The following PBX4 variants were observed in gnomAD, a reference collection of about 807,000 sequenced individuals.
PBX4 encodes the protein pre-B-cell leukemia transcription factor 4.
Under a neutral mutation model 35.1 loss-of-function variants are expected in PBX4, and 26 were observed. The observed-to-expected ratio is 0.74, with a 90% CI of 0.54 to 1.03. The LOEUF is 1.03. PBX4 is among the 50% of genes least tolerant of loss of function. PBX4 has a pLI of 0.00. For synonymous variants in PBX4, 199 were observed against 204.2 expected (o/e 0.97, Z 0.22); for missense variants, 448 against 504.3 (o/e 0.89, Z 1.07).
intron 2 of PBX4, among the ~76,000 whole-genome samples, chr19:19,571,681 G>A (rs539611599): frequency 2.9e-3 from 445 of 152,238 alleles, no homozygotes; most frequent in Non-Finnish European, 4.7e-3. Context: ...CAATGGCATC[G>A]CATTCTCCCA....
chr19:19,593,630 C>G (rs925527828), intron 2 of PBX4, among the ~76,000 whole-genome samples: 1 of 152,212 alleles, frequency 6.6e-6, no homozygotes, highest in Admixed American at 6.5e-5. Context: ...CACTCAGGAA[C>G]AGGCATCCCT....
intron 2 of PBX4, among the ~76,000 whole-genome samples, chr19:19,578,566 G>A (rs2061434983): frequency 6.6e-6 from 1 of 152,190 alleles, no homozygotes; most frequent in African/African-American, 2.4e-5. Context: ...ATCTGTCGGA[G>A]GCACTGACAT....
chr19:19,596,575 T>A (rs2061562447), intron 2 of PBX4, among the ~76,000 whole-genome samples: 8 of 151,838 alleles, frequency 5.3e-5, no homozygotes, highest in Admixed American at 5.3e-4. Flanking sequence ...AATGAGCACA[T>A]CAAAGGCCAA....
chr19:19,596,534 G>C (rs1402080014), intron 2 of PBX4, among the ~76,000 whole-genome samples: 1 of 152,092 alleles, frequency 6.6e-6, no homozygotes, highest in East Asian at 1.9e-4. Context: ...TGTGTCCTAA[G>C]AGTGTCCAAG....
intron 5 of PBX4, among the ~76,000 whole-genome samples, chr19:19,567,639 C>A (rs2061351139): frequency 6.6e-6 from 1 of 152,162 alleles, no homozygotes; most frequent in Non-Finnish European, 1.5e-5. Context: ...TGGCTTGCTG[C>A]CATAGGCTGC....
Position 19,570,125 on chromosome 19 carries a change from G to A in PBX4, c.616C>T (p.Arg206Trp), listed in dbSNP as rs144820446. Residue 206 changes from arginine to tryptophan, a missense_variant, in exon 4 of 8, where the codon CGG (arginine) becomes TGG (tryptophan). Arg to Trp is a moderately radical substitution (Grantham distance 101). Coordinates refer to ENST00000251203, the MANE Select transcript of PBX4 (RefSeq NM_025245.3). ...GGCCCTGACCTGGCATCGAGCAGCC[G>A]CGAACGCAGGGTCATCACTGCCTCA... Reference protein sequence around the residue: ...TCEAVMTLRSRLLDARRKRRN... With the variant: ...TCEAVMTLRSWLLDARRKRRN... 83 of 1,606,452 alleles carry A rather than the reference G, an allele frequency of 5.2e-5. No individual in the cohort carries two copies. Among genetic ancestry groups the A allele is most frequent in the Middle Eastern group, 3.6e-4 (2 of 5,522 alleles).
intron 1 of PBX4, among the ~76,000 whole-genome samples, chr19:19,613,471 A>G (rs2061673553): frequency 1.5e-5 from 2 of 131,946 alleles, no homozygotes; most frequent in South Asian, 2.4e-4. Context: ...AAAAAAAAAA[A>G]AAGTAACTGG....
Position 19,563,534 on chromosome 19 carries a change from G to A in PBX4, c.1007C>T (p.Pro336Leu). 6.4e-7 allele frequency: 1 copy of A among 1,550,460 alleles called. No homozygotes were observed. Among genetic ancestry groups the A allele is most frequent in the Non-Finnish European group, 8.7e-7 (1 of 1,146,908 alleles). Residue 336 changes from proline (P) to leucine (L), a missense_variant, in exon 7 of 8, where the codon CCT becomes CTT. Physicochemically the swap from Pro to Leu is moderately conservative, Grantham distance 98. Transcript: ENST00000251203. The surrounding 1 kb of genome is among the most constrained non-coding windows in gnomAD (Gnocchi z 5.1). ...CTGGGACTGCAGGCAGCCTCCCCCA[G>A]GAGGAGGCTGGAGAGAGGCCAGAGT... ...LRTLASLQPP[P>L]GGGCLQSQAQ...
chr19:19,561,852 A>G lies in PBX4; in HGVS notation c.*173T>C. The G allele has an allele frequency of 2.0e-6, 1 of 510,694 alleles. No individual in the cohort carries two copies. The allele number at this position is 510,694 out of a possible 1,614,324, so 31.6% of individuals were successfully genotyped here. A position where few individuals can be genotyped will look rare whatever the true frequency, so the allele number is the denominator to read the frequency against. ...ATGAGTGGCGTTTCAGGCCATCTCGAGTCGCAGCAGACACATGAGCCGGCG... is the reference window on the plus strand; with the variant it reads ...ATGAGTGGCGTTTCAGGCCATCTCGGGTCGCAGCAGACACATGAGCCGGCG... On this transcript the variant is annotated 3_prime_UTR_variant, in exon 8 of 8. Transcript: ENST00000251203.
chr19:19,575,224 G>A (rs774129470), intron 2 of PBX4, among the ~76,000 whole-genome samples: 11 of 143,982 alleles, frequency 7.6e-5, no homozygotes, highest in East Asian at 2.1e-4. Context: ...GCAACAGAGC[G>A]AGACTCTGTC....
chr19:19,570,414 G>A, intron 3 of PBX4, 115 bp from the exon 4 acceptor site: 3 of 1,438,430 alleles, frequency 2.1e-6, no homozygotes, highest in South Asian at 1.3e-5. Context: ...ACACCGGCGG[G>A]TGACTGTTAA....
At position 19,588,093 on chromosome 19, in the gene PBX4, C is replaced by T. The variant is rs918786005; in HGVS notation, c.193+11199G>A. 6.6e-6 allele frequency: 6 copies of T among 903,962 alleles called. No homozygotes were observed. In the African/African-American group the frequency reaches 8.3e-5, roughly 13 times the overall value. 56.0% of individuals were successfully genotyped at this position (903,962 alleles called of 1,614,324 possible). On this transcript the variant is annotated intron_variant, in intron 2 of 7. Transcript: ENST00000251203. ...GAGGAAGGGGCCACTTACCAATCAC[C>T]TCTTCTTGAAGCCGTATTTTTTGCG...
intron 2 of PBX4, among the ~76,000 whole-genome samples, chr19:19,590,514 G>A (rs532033978): frequency 7.3e-5 from 11 of 150,976 alleles, no homozygotes; most frequent in Non-Finnish European, 1.2e-4. Flanking sequence ...TGTCACCTAG[G>A]CTGGAGTACA....
At position 19,618,598 on chromosome 19, in the gene PBX4, G is replaced by A. The variant is rs548276808; in HGVS notation, c.32C>T (p.Pro11Leu). The change falls in exon 1 of 8, where the codon CCC (proline) becomes CTC (leucine). Residue 11 changes from proline to leucine, a missense_variant. Pro to Leu is a moderately conservative substitution (Grantham distance 98). Coordinates refer to ENST00000251203, the MANE Select transcript of PBX4 (RefSeq NM_025245.3). MAAPPRPAPS[P>L]PAPRRLDTSD... The stretch of plus-strand genomic sequence containing the variant: ...CGTGTCGAGGCGCCGCGGGGCGGGG[G>A]GCGATGGCGCGGGGCGCGGCGGGGC... 7.8e-6 allele frequency: 10 copies of A among 1,283,260 alleles called. No individual in the cohort carries two copies. Among genetic ancestry groups the A allele is most frequent in the South Asian group, 6.0e-5 (2 of 33,176 alleles). 79.5% of individuals were successfully genotyped at this position (1,283,260 alleles called of 1,614,324 possible). A position where few individuals can be genotyped will look rare whatever the true frequency, so the allele number is the denominator to read the frequency against.
intron 2 of PBX4, chr19:19,588,221 AC>A: frequency 7.3e-7 from 1 of 1,362,916 alleles, no homozygotes; most frequent in Non-Finnish European, 1.0e-6. Flanking sequence ...GGCATCAGAG[AC>A]CCCAGGGCCT....
chr19:19,591,360 G>A (rs916718487), intron 2 of PBX4, among the ~76,000 whole-genome samples: 1 of 152,228 alleles, frequency 6.6e-6, no homozygotes, highest in African/African-American at 2.4e-5. Context: ...AGCTGACGAG[G>A]AAGGGAAAGA....
At chr19:19,618,424 C>G in intron 1 of PBX4, 87 bp downstream of exon 1, 1 of 1,234,550 alleles carries the variant, frequency 8.1e-7, no homozygotes, top group Non-Finnish European at 1.0e-6. Flanking sequence ...CGCCCCTCGT[C>G]AGTCTGGCCT....
At chr19:19,587,006 T>C in intron 2 of PBX4, among the ~76,000 whole-genome samples, 1 of 152,088 alleles carries the variant, frequency 6.6e-6, no homozygotes, top group East Asian at 1.9e-4. Flanking sequence ...AATTTTCTTT[T>C]TCTTTTTAAT....
intron 1 of PBX4, among the ~76,000 whole-genome samples, chr19:19,602,837 T>C (rs888088397): frequency 6.6e-6 from 1 of 152,088 alleles, no homozygotes; most frequent in African/African-American, 2.4e-5. Context: ...CCAAAGAACA[T>C]GCCATTCATA....
Sources: gnomAD v4.1 joint callset for allele counts (sites outside exome capture counted in the v4.1 genomes callset) on GRCh38, gnomAD v4.1.1 for gene constraint, Gnocchi (gnomAD v3.1) non-coding constraint, MANE v1.5 for transcripts, NCBI Gene and HGNC (gene_info 2026-07-23, HGNC 2026-07-21) for gene names.